Variants in FUT9 observed in about 807,000 individuals in gnomAD.
The protein encoded by FUT9 is fucosyltransferase 9.
FUT9 carries 15 observed loss-of-function variants against 29.7 expected under a neutral mutation model. That is an observed-to-expected ratio of 0.51 (90% CI 0.34 to 0.78). The LOEUF (loss-of-function observed/expected upper bound fraction) is 0.78. Ranked by LOEUF, FUT9 falls within the 30% of genes least tolerant of loss-of-function variation. The probability of loss-of-function intolerance (pLI) is 0.01; values close to 1 mark genes in which losing one functional copy is unlikely to be tolerated. For missense variants in FUT9, 319 were observed against 425.4 expected, an observed-to-expected ratio of 0.75 and a Z score of 2.20; for synonymous variants, 169 against 153.7, an observed-to-expected ratio of 1.10 and a Z score of -0.74.
chr6:96,076,568 A>G (rs552776799), intron 1 of FUT9, among the ~76,000 whole-genome samples: 3 of 152,352 alleles, frequency 2.0e-5, no homozygotes, highest in African/African-American at 2.4e-5. Flanking sequence ...CTTTCATTTG[A>G]AAATGGAACT....
intron 1 of FUT9, among the ~76,000 whole-genome samples, chr6:96,028,053 G>A (rs183461762): frequency 6.6e-6 from 1 of 151,704 alleles, no homozygotes; most frequent in Non-Finnish European, 1.5e-5. Context: ...GTTTTTATGG[G>A]AAGAATGGAA....
At chr6:96,151,043 G>C (rs76289870) in intron 2 of FUT9, among the ~76,000 whole-genome samples, 1,816 of 152,270 alleles carry the variant, frequency 0.012, 42 homozygotes, top group African/African-American at 0.039. Context: ...TAGATTTGCA[G>C]ATACCAAATA....
chr6:96,091,225 T>C lies in FUT9; in HGVS notation c.-97-22814T>C, dbSNP rs550551351. On this transcript the variant is annotated intron_variant, in intron 1 of 2. Coordinates refer to ENST00000302103, the MANE Select transcript of FUT9 (RefSeq NM_006581.4). ...AAAAACCAAATAGTTCAAAGCGTTATTTACGTATTCTTCCCATAAATGTTT... is the reference window on the plus strand; with the variant it reads ...AAAAACCAAATAGTTCAAAGCGTTACTTACGTATTCTTCCCATAAATGTTT... Among the ~76,000 whole-genome samples the C allele has an allele frequency of 2.6e-5, 4 of 152,212 alleles. No individual in the cohort carries two copies. In the South Asian group the frequency reaches 8.3e-4, roughly 32 times the overall value.
intron 2 of FUT9, among the ~76,000 whole-genome samples, chr6:96,138,429 A>G (rs1772400595): frequency 6.6e-6 from 1 of 151,406 alleles, no homozygotes; most frequent in East Asian, 1.9e-4. Flanking sequence ...CCAAAAAAGG[A>G]TATGTGCAGG....
At chr6:96,097,947 C>G (rs1344578680) in intron 1 of FUT9, among the ~76,000 whole-genome samples, 2 of 151,940 alleles carry the variant, frequency 1.3e-5, no homozygotes, top group Non-Finnish European at 2.9e-5. Context: ...GGAGCACAGA[C>G]CTTCAAAATA....
chr6:96,056,371 TA>T (rs1406497364), intron 1 of FUT9, among the ~76,000 whole-genome samples: 1 of 152,218 alleles, frequency 6.6e-6, no homozygotes, highest in Admixed American at 6.5e-5. Context: ...CCAAGGGCAT[TA>T]AAATGGCAGG....
At chr6:96,035,810 A>ATAATG (rs1408882653) in intron 1 of FUT9, among the ~76,000 whole-genome samples, 1 of 133,890 alleles carries the variant, frequency 7.5e-6, no homozygotes, top group Non-Finnish European at 1.6e-5. Context: ...ATAATATAAT[A>ATAATG]CATATAATAT....
At chr6:96,100,115 A>G (rs1279385772) in intron 1 of FUT9, among the ~76,000 whole-genome samples, 1 of 152,110 alleles carries the variant, frequency 6.6e-6, no homozygotes, top group African/African-American at 2.4e-5. Flanking sequence ...AACATTTGCA[A>G]TAGCAATGGT....
chr6:96,109,031 A>C (rs1161567546), intron 1 of FUT9, among the ~76,000 whole-genome samples: 1 of 152,198 alleles, frequency 6.6e-6, no homozygotes, highest in Non-Finnish European at 1.5e-5. Context: ...CCAGTCATAA[A>C]ATTTTGATTT....
Position 96,203,180 on chromosome 6 carries a change from C to A in FUT9, c.25C>A (p.Leu9Ile). Residue 9 changes from leucine (L) to isoleucine (I), a missense_variant, in exon 3 of 3, where the codon CTT (leucine) becomes ATT (isoleucine). By Grantham distance (5) the Leu-to-Ile change is conservative. Transcript: ENST00000302103. ...TATGACATCAACATCCAAAGGAATT[C>A]TTCGCCCATTTTTAATTGTCTGCAT... is the stretch of plus-strand genomic sequence containing the variant. MTSTSKGI[L>I]RPFLIVCIIL... 1.3e-6 allele frequency: 2 copies of A among 1,598,190 alleles called. No homozygotes were observed. The highest frequency in any genetic ancestry group is 2.2e-5 in the East Asian group (1 of 44,528).
At chr6:96,092,853 T>G (rs1345043084) in intron 1 of FUT9, among the ~76,000 whole-genome samples, 2 of 152,080 alleles carry the variant, frequency 1.3e-5, no homozygotes, top group Non-Finnish European at 2.9e-5. Flanking sequence ...CTCAACCTCC[T>G]GGGCTAAAAC....
At chr6:96,040,700 T>C (rs1445992355) in intron 1 of FUT9, among the ~76,000 whole-genome samples, 1 of 151,792 alleles carries the variant, frequency 6.6e-6, no homozygotes, top group Non-Finnish European at 1.5e-5. Flanking sequence ...TGTAAAAAGG[T>C]ACCTGTTTTG....
At chr6:96,198,704 C>T (rs1773674938) in intron 2 of FUT9, among the ~76,000 whole-genome samples, 1 of 152,174 alleles carries the variant, frequency 6.6e-6, no homozygotes, top group Non-Finnish European at 1.5e-5. Flanking sequence ...CTGACTTCCA[C>T]AATGGTTGAA....
At chr6:96,114,183 T>C (rs1013753332) in intron 2 of FUT9, 56 bp downstream of exon 2, 1 of 152,174 alleles carries the variant, frequency 6.6e-6, no homozygotes. Flanking sequence ...ATGTGTTCAC[T>C]TAGAACTTAT....
At chr6:96,064,611 C>A (rs1384649992) in intron 1 of FUT9, among the ~76,000 whole-genome samples, 1 of 152,134 alleles carries the variant, frequency 6.6e-6, no homozygotes, top group Non-Finnish European at 1.5e-5. Context: ...GAAAAAAATA[C>A]AAACATAAAA....
chr6:96,150,835 T>C (rs1335629767), intron 2 of FUT9, among the ~76,000 whole-genome samples: 1 of 152,138 alleles, frequency 6.6e-6, no homozygotes, highest in Non-Finnish European at 1.5e-5. Flanking sequence ...TAATGAAAGG[T>C]TTATATCATT....
chr6:96,085,578 C>A (rs1323451911), intron 1 of FUT9, among the ~76,000 whole-genome samples: 8 of 151,916 alleles, frequency 5.3e-5, no homozygotes, highest in Non-Finnish European at 7.4e-5. Flanking sequence ...CCTGGGAAGC[C>A]TTTCTTTGTC....
intron 1 of FUT9, among the ~76,000 whole-genome samples, chr6:96,019,945 C>A (rs191007481): frequency 6.6e-6 from 1 of 152,174 alleles, no homozygotes; most frequent in East Asian, 1.9e-4. Context: ...TTTTCCACTT[C>A]TTTTATTTTA....
intron 1 of FUT9, among the ~76,000 whole-genome samples, chr6:96,071,133 G>T (rs921681618): frequency 1.6e-4 from 24 of 152,168 alleles, no homozygotes; most frequent in Admixed American, 9.2e-4. Flanking sequence ...TGAACAAATT[G>T]AAAGTAAAGA....
Sources: allele counts gnomAD v4.1 joint callset (sites outside exome capture counted in the v4.1 genomes callset), GRCh38; gene constraint gnomAD v4.1.1; transcripts MANE v1.5; gene names NCBI Gene and HGNC (gene_info 2026-07-23, HGNC 2026-07-21).